CABIN1: variants seen among roughly 807,000 people sequenced by gnomAD.
CABIN1 encodes the protein calcineurin-binding protein cabin-1.
CABIN1 carries 133 observed loss-of-function variants against 227.7 expected under a neutral mutation model. That is an observed-to-expected ratio of 0.58 (90% CI 0.51 to 0.67). The LOEUF is 0.67. Ranked by LOEUF, CABIN1 falls within the 30% of genes least tolerant of loss-of-function variation. CABIN1 has a pLI of 0.00. For missense variants in CABIN1, 2,408 were observed against 2,852.5 expected, an observed-to-expected ratio of 0.84 and a Z score of 3.55; for synonymous variants, 1,086 against 1,155.1, an observed-to-expected ratio of 0.94 and a Z score of 1.21.
At chr22:24,079,999 GA>G (rs1486858824) in intron 19 of CABIN1, among the ~76,000 whole-genome samples, 1 of 152,054 alleles carries the variant, frequency 6.6e-6, no homozygotes, top group Non-Finnish European at 1.5e-5. Flanking sequence ...TTTTTTGAGG[GA>G]TGGGGGTACT....
intron 19 of CABIN1, among the ~76,000 whole-genome samples, chr22:24,080,099 T>C (rs1007811510): frequency 3.9e-5 from 6 of 152,224 alleles, no homozygotes; most frequent in African/African-American, 1.2e-4. Context: ...GTATTCCATC[T>C]AAATTTTATT....
intron 10 of CABIN1, among the ~76,000 whole-genome samples, chr22:24,057,361 C>T (rs1389051378): frequency 6.6e-6 from 1 of 152,186 alleles, no homozygotes; most frequent in Non-Finnish European, 1.5e-5. Flanking sequence ...TTTCTCCTCC[C>T]TTAGCTGAGT....
rs145864566 is a variant in CABIN1 at position 24,136,524 on chromosome 22, A to ATTTTTTTTTTTTTTTTTTT, written c.4746+2115_4746+2133dup. On this transcript the variant is annotated intron_variant, in intron 29 of 36. Transcript: ENST00000263119. The stretch of plus-strand genomic sequence containing the variant: ...ACTGCCACGCCCAGCTAATTTTTGT[A>ATTTTTTTTTTTTTTTTTTT]TTTTTTTTTTTTTTTTTTTTTTTTA... Among the ~76,000 whole-genome samples, 105 of 69,868 alleles carry ATTTTTTTTTTTTTTTTTTT rather than the reference A, an allele frequency of 1.5e-3. 7 individuals carry two copies. The highest frequency in any genetic ancestry group is 2.0e-3 in the East Asian group (4 of 1,976). The allele number at this position is 69,868 out of a possible 152,430, so 45.8% of individuals were successfully genotyped here.
chr22:24,152,351 C>T (rs2045532842), intron 29 of CABIN1, among the ~76,000 whole-genome samples: 1 of 152,290 alleles, frequency 6.6e-6, no homozygotes, highest in South Asian at 2.1e-4. Flanking sequence ...GAGCTGTGGG[C>T]ATCTGGACAG....
intron 18 of CABIN1, 132 bp from the exon 19 acceptor site, chr22:24,076,036 AG>A: frequency 3.1e-6 from 2 of 639,884 alleles, no homozygotes; most frequent in Non-Finnish European, 2.8e-6. Context: ...AAAAAAAAAA[AG>A]GGAAAGGAAA....
At chr22:24,106,623 T>G (rs562740877) in intron 26 of CABIN1, among the ~76,000 whole-genome samples, 2 of 152,298 alleles carry the variant, frequency 1.3e-5, no homozygotes, top group Admixed American at 6.5e-5. Context: ...AGGGTCCTTT[T>G]CACATGCTCT....
chr22:24,119,388 A>AGAG lies in CABIN1; in HGVS notation c.4323_4325dup (p.Glu1441_Ser1442insArg). The AGAG allele has an allele frequency of 6.2e-7, 1 of 1,613,682 alleles. No homozygotes were observed. The highest frequency in any genetic ancestry group is 2.2e-5 in the East Asian group (1 of 44,886). ...GTAGGAAAAAACGAGGAGTCATTGG[A>AGAG]GAGTACAGAAGGCTTCCGGGCTGCA... On this transcript the variant is annotated inframe_insertion, in exon 28 of 37. Transcript: ENST00000263119.
intron 29 of CABIN1, among the ~76,000 whole-genome samples, chr22:24,157,393 C>T (rs1035606287): frequency 2.6e-5 from 4 of 152,096 alleles, no homozygotes; most frequent in African/African-American, 7.2e-5. Flanking sequence ...GGCCAGGGCT[C>T]GGAGGGGTGC....
At chr22:24,067,406 G>T (rs1024221454) in intron 16 of CABIN1, among the ~76,000 whole-genome samples, 1 of 152,002 alleles carries the variant, frequency 6.6e-6, no homozygotes, top group African/African-American at 2.4e-5. Context: ...GTGGCTCAGG[G>T]TGAACCCCAC....
chr22:24,097,394 T>C (rs1290835523), intron 25 of CABIN1, among the ~76,000 whole-genome samples: 1 of 152,216 alleles, frequency 6.6e-6, no homozygotes, highest in Non-Finnish European at 1.5e-5. Flanking sequence ...AAAAATGAAC[T>C]ACAGAAGGTA....
intron 22 of CABIN1, among the ~76,000 whole-genome samples, chr22:24,086,371 G>A (rs2041164449): frequency 6.6e-6 from 1 of 152,216 alleles, no homozygotes; most frequent in Non-Finnish European, 1.5e-5. Context: ...GCTTAACTGG[G>A]CCTCCCTCCA....
intron 1 of CABIN1, among the ~76,000 whole-genome samples, chr22:24,014,817 C>T (rs1193805847): frequency 6.6e-6 from 1 of 152,132 alleles, no homozygotes; most frequent in Non-Finnish European, 1.5e-5. Flanking sequence ...CACCGCTTTC[C>T]CACCTACCCT....
chr22:24,157,406 C>T (rs1382408629), intron 29 of CABIN1, among the ~76,000 whole-genome samples: 1 of 152,162 alleles, frequency 6.6e-6, no homozygotes, highest in Non-Finnish European at 1.5e-5. Flanking sequence ...AGGGGTGCTG[C>T]CCAGCCGGCC....
intron 1 of CABIN1, among the ~76,000 whole-genome samples, chr22:24,033,379 G>C (rs746507460): frequency 6.6e-6 from 1 of 152,102 alleles, no homozygotes; most frequent in Non-Finnish European, 1.5e-5. Flanking sequence ...GCCCAGGCTG[G>C]TCTCAAACTC....
At chr22:24,082,420 G>C (rs2040870359) in intron 19 of CABIN1, among the ~76,000 whole-genome samples, 1 of 152,146 alleles carries the variant, frequency 6.6e-6, no homozygotes, top group Non-Finnish European at 1.5e-5. Context: ...CTGTATTGAA[G>C]ACTGTAAGTT....
intron 17 of CABIN1, 78 bp from the exon 18 acceptor site, chr22:24,072,276 C>A: frequency 6.5e-7 from 1 of 1,528,460 alleles, no homozygotes; most frequent in Non-Finnish European, 9.0e-7. Context: ...CCCCAAGAGG[C>A]CTCCTGCCTC....
chr22:24,171,696 C>T lies in CABIN1; in HGVS notation c.5758-17C>T, dbSNP rs753699312. ...GCTGCCTAGCCAGCCTTTCTCACCTCTTGTTTGTCCTCACAGGCCTCGGGG... is the reference window on the plus strand; with the variant it reads ...GCTGCCTAGCCAGCCTTTCTCACCTTTTGTTTGTCCTCACAGGCCTCGGGG... On this transcript the variant is annotated splice_polypyrimidine_tract_variant and intron_variant, in intron 33 of 36. Transcript: ENST00000263119. The T allele has an allele frequency of 1.2e-6, 2 of 1,613,846 alleles. No individual in the cohort carries two copies. Among genetic ancestry groups the T allele is most frequent in the Non-Finnish European group, 1.7e-6 (2 of 1,179,950 alleles).
At chr22:24,096,179 A>G in intron 25 of CABIN1, 97 bp downstream of exon 25, 2 of 1,354,648 alleles carry the variant, frequency 1.5e-6, no homozygotes, top group Non-Finnish European at 1.1e-6. Flanking sequence ...GTTGCTACAC[A>G]GTAAACAGTA....
At chr22:24,128,546 C>T (rs1334420056) in intron 28 of CABIN1, among the ~76,000 whole-genome samples, 1 of 152,146 alleles carries the variant, frequency 6.6e-6, no homozygotes, top group Non-Finnish European at 1.5e-5. Context: ...TAGCCACACA[C>T]TCCTCTTCCT....
Sources: allele counts gnomAD v4.1 joint callset (sites outside exome capture counted in the v4.1 genomes callset), GRCh38; gene constraint gnomAD v4.1.1; transcripts MANE v1.5; gene names NCBI Gene and HGNC (gene_info 2026-07-23, HGNC 2026-07-21).